The following RP9 variants were observed in gnomAD, a reference collection of about 807,000 sequenced individuals.
RP9 encodes RP9 pre-mRNA splicing factor, also known as retinitis pigmentosa 9 protein.
RP9 carries 23 observed loss-of-function variants against 32.6 expected under a neutral mutation model. The observed-to-expected ratio is 0.71, with a 90% CI of 0.51 to 1.00. The LOEUF is 1.00. Ranked by LOEUF, RP9 falls within the 50% of genes least tolerant of loss-of-function variation. RP9 has a pLI of 0.00. For missense variants in RP9, 245 were observed against 285.3 expected, an observed-to-expected ratio of 0.86 and a Z score of 1.02; for synonymous variants, 94 against 103.6, an observed-to-expected ratio of 0.91 and a Z score of 0.56.
Position 33,094,886 on chromosome 7 carries a change from G to A in RP9, c.*348C>T. ...ATGGGACCTGAGTCCACACTGTGGA[G>A]GGCACAAGCTGTGGGAGGGCCTGGA... On this transcript the variant is annotated 3_prime_UTR_variant, in exon 6 of 6. Coordinates refer to ENST00000297157, the MANE Select transcript of RP9 (RefSeq NM_203288.2). The A allele has an allele frequency of 2.2e-5, 8 of 368,466 alleles. No homozygotes were observed. The highest frequency in any genetic ancestry group is 3.0e-5 in the Non-Finnish European group (6 of 200,194). 22.8% of individuals were successfully genotyped at this position (368,466 alleles called of 1,614,324 possible).
chr7:33,095,763 G>C (rs1459883883), intron 5 of RP9, among the ~76,000 whole-genome samples: 1 of 151,948 alleles, frequency 6.6e-6, no homozygotes, highest in African/African-American at 2.4e-5. Context: ...ATCTTTAACA[G>C]TTATAATGCC....
At chr7:33,101,777 T>C (rs1437589927) in intron 1 of RP9, among the ~76,000 whole-genome samples, 5 of 152,190 alleles carry the variant, frequency 3.3e-5, no homozygotes, top group Non-Finnish European at 7.3e-5. Flanking sequence ...TTTCCCAAAG[T>C]AGGTGCTTAA....
At chr7:33,096,284 C>T (rs1788333190) in intron 5 of RP9, among the ~76,000 whole-genome samples, 1 of 152,196 alleles carries the variant, frequency 6.6e-6, no homozygotes, top group African/African-American at 2.4e-5. Context: ...GGACCAAGCC[C>T]ATGGCTTTAA....
At chr7:33,100,308 C>T (rs2128032644) in intron 2 of RP9, 1 of 609,944 alleles carries the variant, frequency 1.6e-6, no homozygotes. Context: ...TCCACGTGGG[C>T]CTGCACTGGT....
intron 1 of RP9, 138 bp from the exon 2 acceptor site, chr7:33,100,699 G>A (rs751616318): frequency 3.0e-5 from 23 of 754,358 alleles, no homozygotes; most frequent in African/African-American, 2.9e-4. Flanking sequence ...TTGCAGACAA[G>A]CAATCACCTG....
chr7:33,100,245 G>C, intron 2 of RP9: 1 of 500,376 alleles, frequency 2.0e-6, no homozygotes, highest in African/African-American at 1.9e-5. Flanking sequence ...ACAAGGAAAA[G>C]GAGCTTAGAG....
In RP9 at chr7:33,095,085, T is replaced by C; in HGVS notation, c.*149A>G. ...AGACACTCCCTCTCCTGGGGTCACA[T>C]CTTCACTGCAAGGCGGGTGGGAGCT... On this transcript the variant is annotated 3_prime_UTR_variant, in exon 6 of 6. Transcript: ENST00000297157. 1.5e-6 allele frequency: 1 copy of C among 666,846 alleles called. No homozygotes were observed. The highest frequency in any genetic ancestry group is 1.8e-5 in the African/African-American group (1 of 55,286). 41.3% of individuals were successfully genotyped at this position (666,846 alleles called of 1,614,324 possible).
rs371503287 is a variant in RP9 at position 33,097,519 on chromosome 7, A to C, written c.314-157T>G. ...CATGTAAGATCCCAGAAACAGAGGTAAACTAATTGCTTCCCCAAGCATCCT... is the reference window on the plus strand; with the variant it reads ...CATGTAAGATCCCAGAAACAGAGGTCAACTAATTGCTTCCCCAAGCATCCT... On this transcript the variant is annotated intron_variant, in intron 3 of 5. Coordinates refer to ENST00000297157, the MANE Select transcript of RP9 (RefSeq NM_203288.2). 1.3e-4 allele frequency among the ~76,000 whole-genome samples: 20 copies of C among 152,362 alleles called. 2 individuals are homozygous for C. In the East Asian group the frequency reaches 2.7e-3, roughly 21 times the overall value.
intron 1 of RP9, among the ~76,000 whole-genome samples, chr7:33,106,136 A>G (rs1220857333): frequency 6.6e-6 from 1 of 152,186 alleles, no homozygotes; most frequent in African/African-American, 2.4e-5. Flanking sequence ...GCTCAAAGTG[A>G]GTAATAATTC....
chr7:33,096,601 C>A, intron 4 of RP9, 47 bp from the exon 5 acceptor site: 1 of 1,261,946 alleles, frequency 7.9e-7, no homozygotes, highest in Non-Finnish European at 1.2e-6. Flanking sequence ...TCATGGATCA[C>A]AAGTTAAATA....
At chr7:33,108,974 C>T (rs1163306495) in intron 1 of RP9, among the ~76,000 whole-genome samples, 1 of 152,156 alleles carries the variant, frequency 6.6e-6, no homozygotes, top group Non-Finnish European at 1.5e-5. Flanking sequence ...CAGGGCCTCC[C>T]AAGTCAGATT....
intron 1 of RP9, among the ~76,000 whole-genome samples, chr7:33,103,168 G>C (rs1428343251): frequency 6.6e-6 from 1 of 152,192 alleles, no homozygotes; most frequent in Non-Finnish European, 1.5e-5. Flanking sequence ...GGATTTCCTG[G>C]GGTGGAAGAA....
intron 2 of RP9, 53 bp downstream of exon 2, chr7:33,100,478 G>A: frequency 2.2e-6 from 3 of 1,393,258 alleles, no homozygotes; most frequent in East Asian, 2.3e-5. Flanking sequence ...ACAAGTTACT[G>A]AGTCTACAAG....
In RP9 at chr7:33,109,106, C is replaced by G. The variant is rs1026302415; in HGVS notation, c.152+115G>C. Reference sequence around the variant, plus strand: ...CCAGGCTCCTGCCGGGCCCAGCCCCCCTGCCTGCTCGCGGGGGCTCGGAGG... The same window carrying G: ...CCAGGCTCCTGCCGGGCCCAGCCCCGCTGCCTGCTCGCGGGGGCTCGGAGG... On this transcript the variant is annotated intron_variant, in intron 1 of 5. Coordinates refer to ENST00000297157, the MANE Select transcript of RP9 (RefSeq NM_203288.2). This position sits in a 1 kb window ranked among gnomAD's most constrained non-coding sequence, Gnocchi z 4.9. The G allele has an allele frequency of 1.6e-5, 22 of 1,381,004 alleles. No homozygotes were observed. Among genetic ancestry groups the G allele is most frequent in the Non-Finnish European group, 2.0e-5 (21 of 1,066,514 alleles). The allele number at this position is 1,381,004 out of a possible 1,614,324, so 85.5% of individuals were successfully genotyped here. A position where few individuals can be genotyped will look rare whatever the true frequency, so the allele number is the denominator to read the frequency against.
intron 1 of RP9, among the ~76,000 whole-genome samples, chr7:33,103,693 C>T (rs536821916): frequency 4.7e-4 from 71 of 152,166 alleles, no homozygotes; most frequent in Non-Finnish European, 7.9e-4. Context: ...ATGGTGTGCA[C>T]CTGCAGTCCC....
intron 2 of RP9, among the ~76,000 whole-genome samples, chr7:33,099,737 A>C (rs1220892388): frequency 6.6e-6 from 1 of 152,070 alleles, no homozygotes; most frequent in Non-Finnish European, 1.5e-5. Context: ...CTGAGATTAA[A>C]AAAAAAAAGT....
At chr7:33,105,659 G>T (rs918891706) in intron 1 of RP9, among the ~76,000 whole-genome samples, 1 of 152,062 alleles carries the variant, frequency 6.6e-6, no homozygotes, top group East Asian at 1.9e-4. Context: ...TTCCAGAAAG[G>T]GTCCTGCCCC....
Position 33,109,378 on chromosome 7 carries a change from C to G in RP9, c.-6G>C. ...CGCCCAGGCCGGGACGACATGTCAG[C>G]CCCCGCAGCGCCGCTCGGGCAACCC... On this transcript the variant is annotated 5_prime_UTR_variant, in exon 1 of 6. Transcript: ENST00000297157. This position sits in a 1 kb window ranked among gnomAD's most constrained non-coding sequence, Gnocchi z 4.9. The G allele has an allele frequency of 1.5e-6, 2 of 1,367,120 alleles. No homozygotes were observed. Among genetic ancestry groups the G allele is most frequent in the Admixed American group, 2.9e-5 (1 of 34,062 alleles). The allele number at this position is 1,367,120 out of a possible 1,614,324, so 84.7% of individuals were successfully genotyped here.
chr7:33,101,615 A>G (rs1455625899), intron 1 of RP9, among the ~76,000 whole-genome samples: 1 of 152,034 alleles, frequency 6.6e-6, no homozygotes, highest in Non-Finnish European at 1.5e-5. Context: ...AAAAAAAAAA[A>G]AAATTCATTC....
Sources: gnomAD v4.1 joint callset for allele counts (sites outside exome capture counted in the v4.1 genomes callset) on GRCh38, gnomAD v4.1.1 for gene constraint, Gnocchi (gnomAD v3.1) non-coding constraint, MANE v1.5 for transcripts, NCBI Gene and HGNC (gene_info 2026-07-23, HGNC 2026-07-21) for gene names.